The following KANSL3 variants were observed in gnomAD, a reference collection of about 807,000 sequenced individuals.
The protein encoded by KANSL3 is KAT8 regulatory NSL complex subunit 3.
In KANSL3, 16 loss-of-function variants were observed where a neutral mutation model predicts 89.2. The observed-to-expected ratio is 0.18, with a 90% confidence interval of 0.12 to 0.27. The LOEUF (loss-of-function observed/expected upper bound fraction) is 0.27, where lower values mean the gene tolerates loss of function less well. KANSL3 is among the 10% of genes least tolerant of loss of function. The probability of loss-of-function intolerance (pLI) is 1.00; values close to 1 mark genes in which losing one functional copy is unlikely to be tolerated. For missense variants in KANSL3, 879 were observed against 1,110.6 expected, an observed-to-expected ratio of 0.79 and a Z score of 2.96; for synonymous variants, 385 against 419.7, an observed-to-expected ratio of 0.92 and a Z score of 1.01.
At chr2:96,581,124 G>A in the KANSL3 span, among the ~76,000 whole-genome samples, 14 of 152,248 alleles carry the variant, frequency 9.2e-5, no homozygotes, top group East Asian at 1.2e-3. Flanking sequence ...TAGTTTCCCC[G>A]CTTTAAGAAT....
chr2:96,627,755 A>G (rs1333851513), intron 3 of KANSL3, among the ~76,000 whole-genome samples: 1 of 152,224 alleles, frequency 6.6e-6, no homozygotes, highest in Non-Finnish European at 1.5e-5. Flanking sequence ...TTAACAATCA[A>G]GTCAGGGAAA....
chr2:96,601,317 C>T (rs2067149710), intron 20 of KANSL3: 1 of 984,970 alleles, frequency 1.0e-6, no homozygotes, highest in South Asian at 4.7e-5. Flanking sequence ...GTAGCCTCTA[C>T]TCATAACCTC....
intron 3 of KANSL3, among the ~76,000 whole-genome samples, chr2:96,630,403 G>A (rs2073164232): frequency 6.7e-6 from 1 of 150,160 alleles, no homozygotes; most frequent in Non-Finnish European, 1.5e-5. Context: ...ATCATGCTGG[G>A]TGAAAGAAGC....
intron 20 of KANSL3, chr2:96,600,706 A>G (rs987417867): frequency 7.1e-6 from 7 of 985,338 alleles, no homozygotes; most frequent in Non-Finnish European, 8.4e-6. Context: ...GTGGCTCCTC[A>G]GATTACCATT....
intron 20 of KANSL3, among the ~76,000 whole-genome samples, chr2:96,598,902 C>G (rs1042853301): frequency 2.2e-5 from 2 of 89,022 alleles, no homozygotes; most frequent in African/African-American, 1.1e-4. Context: ...AAGAGTGAGA[C>G]TGTCTCAAAA....
chr2:96,601,586 G>C, intron 20 of KANSL3, 57 bp downstream of exon 20: 1 of 1,581,444 alleles, frequency 6.3e-7, no homozygotes, highest in South Asian at 1.2e-5. Context: ...CCAGTCAGCT[G>C]GTCTTAAACT....
intron 5 of KANSL3, among the ~76,000 whole-genome samples, chr2:96,614,815 A>C (rs908900066): frequency 5.3e-5 from 8 of 151,550 alleles, no homozygotes; most frequent in Non-Finnish European, 7.4e-5. Flanking sequence ...AAAAGAAAAA[A>C]ATTATCTCTA....
intron 16 of KANSL3, 42 bp from the exon 17 acceptor site, chr2:96,604,422 G>T (rs1167112225): frequency 2.5e-6 from 4 of 1,597,084 alleles, no homozygotes; most frequent in African/African-American, 1.3e-5. Flanking sequence ...AAGGTCACAG[G>T]ACAGCAAGCC....
At chr2:96,592,303 T>G (rs1022804035), downstream of KANSL3, among the ~76,000 whole-genome samples, 1 of 152,224 alleles carries the variant, frequency 6.6e-6, no homozygotes, top group Non-Finnish European at 1.5e-5. Flanking sequence ...AAGGTCCTCC[T>G]GAATACAAGT....
intron 5 of KANSL3, among the ~76,000 whole-genome samples, chr2:96,615,701 C>T (rs1348263954): frequency 6.6e-6 from 1 of 152,152 alleles, no homozygotes; most frequent in African/African-American, 2.4e-5. Flanking sequence ...AAAACAGGGA[C>T]ACTAAAAGGA....
At chr2:96,605,000 G>A in intron 15 of KANSL3, 137 bp from the exon 16 acceptor site, 1 of 671,846 alleles carries the variant, frequency 1.5e-6, no homozygotes, top group Non-Finnish European at 2.5e-6. Context: ...TGCTAGAGTA[G>A]GGAGAGTTGG....
chr2:96,629,439 C>T (rs930919033), intron 3 of KANSL3, among the ~76,000 whole-genome samples: 37 of 152,166 alleles, frequency 2.4e-4, no homozygotes, highest in Admixed American at 1.3e-3. Flanking sequence ...TCTCCTGCCT[C>T]AGCCTCCCGA....
intron 5 of KANSL3, 132 bp from the exon 6 acceptor site, chr2:96,613,751 A>G (rs2069433867): frequency 1.5e-6 from 1 of 687,378 alleles, no homozygotes; most frequent in Non-Finnish European, 2.4e-6. Context: ...AAAACCTCCT[A>G]AGGATCAAGA....
chr2:96,626,983 A>C (rs960022319), intron 3 of KANSL3, among the ~76,000 whole-genome samples: 12 of 152,200 alleles, frequency 7.9e-5, no homozygotes, highest in Non-Finnish European at 1.6e-4. Flanking sequence ...TGCACACCGA[A>C]ATTTTAATTT....
intron 19 of KANSL3, 49 bp from the exon 20 acceptor site, chr2:96,601,825 TCTA>T (rs1324205781): frequency 1.3e-6 from 2 of 1,506,974 alleles, no homozygotes; most frequent in African/African-American, 2.8e-5. Context: ...CTCTCCACCT[TCTA>T]CTGAGGCTTT....
chr2:96,609,694 G>C, intron 11 of KANSL3, 132 bp from the exon 12 acceptor site: 1 of 819,816 alleles, frequency 1.2e-6, no homozygotes, highest in Non-Finnish European at 2.1e-6. Context: ...CCTTAGGCAG[G>C]TAATGCAACC....
At chr2:96,627,247 C>T (rs1420354211) in intron 3 of KANSL3, among the ~76,000 whole-genome samples, 1 of 151,678 alleles carries the variant, frequency 6.6e-6, no homozygotes, top group East Asian at 1.9e-4. Context: ...CGGAGTCTTG[C>T]TCTGTTGCCC....
At chr2:96,601,549 C>T (rs754689750) in intron 20 of KANSL3, 94 bp downstream of exon 20, 12 of 1,493,500 alleles carry the variant, frequency 8.0e-6, no homozygotes, top group South Asian at 1.4e-5. Flanking sequence ...CTCGTCTGTC[C>T]AGTGCATGGG....
the KANSL3 span, among the ~76,000 whole-genome samples, chr2:96,580,910 T>C: frequency 2.6e-5 from 4 of 152,158 alleles, no homozygotes; most frequent in African/African-American, 7.2e-5. Flanking sequence ...AGAGAAGCAG[T>C]AGCAAGAACT....
Sources: allele counts gnomAD v4.1 joint callset (sites outside exome capture counted in the v4.1 genomes callset), GRCh38; gene constraint gnomAD v4.1.1; transcripts MANE v1.5; gene names NCBI Gene and HGNC (gene_info 2026-07-23, HGNC 2026-07-21).